PSTPIP2: variants seen among roughly 807,000 people sequenced by gnomAD.
The protein encoded by PSTPIP2 is proline-serine-threonine phosphatase interacting protein 2, also known as proline-serine-threonine phosphatase-interacting protein 2.
In PSTPIP2, 33 loss-of-function variants were observed where a neutral mutation model predicts 63.3. The ratio of observed to expected loss-of-function variants is 0.52; its 90% CI spans 0.40 to 0.70. The LOEUF is 0.70. Ranked by LOEUF, PSTPIP2 falls within the 30% of genes least tolerant of loss-of-function variation. PSTPIP2 has a pLI of 0.00. For missense variants in PSTPIP2, 312 were observed against 400.7 expected, an observed-to-expected ratio of 0.78 and a Z score of 1.89; for synonymous variants, 125 against 132.7, an observed-to-expected ratio of 0.94 and a Z score of 0.40.
intron 2 of PSTPIP2, among the ~76,000 whole-genome samples, chr18:46,030,237 C>T (rs1310966580): frequency 6.6e-6 from 1 of 152,124 alleles, no homozygotes; most frequent in Non-Finnish European, 1.5e-5. Flanking sequence ...ACAAGAGAAG[C>T]CTGTCTTGAT....
chr18:46,030,630 C>T (rs2144102319), intron 2 of PSTPIP2, among the ~76,000 whole-genome samples: 1 of 152,174 alleles, frequency 6.6e-6, no homozygotes, highest in East Asian at 1.9e-4. Flanking sequence ...ATTATTCATC[C>T]TGAAGATTTT....
chr18:46,016,938 G>A (rs1340600399), intron 3 of PSTPIP2, among the ~76,000 whole-genome samples: 1 of 152,088 alleles, frequency 6.6e-6, no homozygotes, highest in Non-Finnish European at 1.5e-5. Context: ...CACCCAAGTT[G>A]ACATTAATAC....
chr18:46,029,742 C>A, intron 2 of PSTPIP2: 2 of 607,784 alleles, frequency 3.3e-6, no homozygotes, highest in South Asian at 3.8e-5. Flanking sequence ...ACTTCCCAGT[C>A]ATTAAAAAGA....
At chr18:46,012,774 A>C (rs2144084288) in intron 4 of PSTPIP2, among the ~76,000 whole-genome samples, 2 of 152,330 alleles carry the variant, frequency 1.3e-5, no homozygotes, top group Middle Eastern at 3.4e-3. Flanking sequence ...TCCATCTCAA[A>C]AAAAGAGAGA....
In PSTPIP2 at chr18:46,041,519, C is replaced by T. The variant is rs559563731; in HGVS notation, c.34-1472G>A. 9.9e-5 allele frequency among the ~76,000 whole-genome samples: 15 copies of T among 152,228 alleles called. 1 individual carries two copies. Among genetic ancestry groups the T allele is most frequent in the African/African-American group, 3.4e-4 (14 of 41,560 alleles). On this transcript the variant is annotated intron_variant, in intron 1 of 14. Coordinates refer to ENST00000409746, the MANE Select transcript of PSTPIP2 (RefSeq NM_024430.4). Reference sequence around the variant, plus strand: ...CACCTTGGCCTCCCAAAGTGCCAGGCGTGAGCCACCATGCCTGGCCAAATT... The same window carrying T: ...CACCTTGGCCTCCCAAAGTGCCAGGTGTGAGCCACCATGCCTGGCCAAATT...
chr18:46,009,950 G>A (rs1292390341), intron 5 of PSTPIP2, among the ~76,000 whole-genome samples: 1 of 152,188 alleles, frequency 6.6e-6, no homozygotes, highest in African/African-American at 2.4e-5. Flanking sequence ...GATACATCAA[G>A]CTTGAGAGAG....
At position 46,051,184 on chromosome 18, in the gene PSTPIP2, T is replaced by C. The variant is rs112579862; in HGVS notation, c.34-11137A>G. ...CCTGTTTGGATTCTCATAACAAAAA[T>C]TGAACATAAGGCCGGGTGCAGTGGC... On this transcript the variant is annotated intron_variant, in intron 1 of 14. Transcript: ENST00000409746. Among the ~76,000 whole-genome samples, 880 of 152,152 alleles carry C rather than the reference T, an allele frequency of 5.8e-3. 16 individuals are homozygous for C. Among genetic ancestry groups the C allele is most frequent in the Admixed American group, 0.032 (491 of 15,286 alleles).
chr18:46,051,533 T>G (rs983765576), intron 1 of PSTPIP2, among the ~76,000 whole-genome samples: 1 of 152,212 alleles, frequency 6.6e-6, no homozygotes, highest in Non-Finnish European at 1.5e-5. Context: ...CTATTATGTA[T>G]GTTAAGGTCA....
Position 45,997,749 on chromosome 18 carries a change from C to T in PSTPIP2, c.642G>A (p.Glu214=), listed in dbSNP as rs1396408761. ...CTGAGCAGCTTCCGGTTACGGGTAC[C>T]TCGCAGGCCTTGATGTGCTCACTCT... ...EWQSEHIKAC[E]AFEAQECERI... is the part of the protein sequence containing the mutation. Residue 214 remains glutamate, a splice_region_variant and synonymous_variant, in exon 9 of 15, where the codon GAG becomes GAA. Coordinates refer to ENST00000409746, the MANE Select transcript of PSTPIP2 (RefSeq NM_024430.4). The T allele has an allele frequency of 7.2e-7, 1 of 1,390,300 alleles. No individual in the cohort carries two copies. Among genetic ancestry groups the T allele is most frequent in the Non-Finnish European group, 9.7e-7 (1 of 1,033,026 alleles). 86.1% of individuals were successfully genotyped at this position (1,390,300 alleles called of 1,614,324 possible).
rs558608029 is a variant in PSTPIP2, at chr18:46,043,396, G to GA, written c.34-3350dup. On this transcript the variant is annotated intron_variant, in intron 1 of 14. Transcript: ENST00000409746. ...ACAGAGTGAGCCCCTGTCTCAAAAT[G>GA]AAAAAAAAAAAGAAAAGAAAAGAGG... Among the ~76,000 whole-genome samples, 343 of 127,982 alleles carry GA rather than the reference G, an allele frequency of 2.7e-3. 3 individuals carry two copies. Among genetic ancestry groups the GA allele is most frequent in the Middle Eastern group, 0.016 (4 of 258 alleles). 84.0% of individuals were successfully genotyped at this position (127,982 alleles called of 152,430 possible).
At chr18:45,993,460 A>G in intron 10 of PSTPIP2, 145 bp downstream of exon 10, 3 of 669,812 alleles carry the variant, frequency 4.5e-6, no homozygotes, top group Non-Finnish European at 7.8e-6. Context: ...TGTTATCTGC[A>G]TCCTTCTGTC....
intron 1 of PSTPIP2, among the ~76,000 whole-genome samples, chr18:46,054,531 T>C (rs1281134485): frequency 6.6e-6 from 1 of 152,174 alleles, no homozygotes; most frequent in Non-Finnish European, 1.5e-5. Flanking sequence ...TACTGGTGCA[T>C]AATTGTAACA....
chr18:46,070,714 C>T (rs985773699), intron 1 of PSTPIP2, among the ~76,000 whole-genome samples: 3 of 151,980 alleles, frequency 2.0e-5, no homozygotes, highest in Non-Finnish European at 2.9e-5. Context: ...CAGACAGAGT[C>T]TCACTATGTT....
rs529605497 is a variant in PSTPIP2, at chr18:46,013,856, T to C, written c.247+2047A>G. 1.4e-4 allele frequency among the ~76,000 whole-genome samples: 22 copies of C among 152,268 alleles called. No individual in the cohort carries two copies. The East Asian group carries it at 2.9e-3, about 20-fold the overall frequency. ...GAGATGAACTCTGACAACTGTGACA[T>C]TGGTATTTCCAAAGACTTTCTATTT... On this transcript the variant is annotated intron_variant, in intron 4 of 14. Coordinates refer to ENST00000409746, the MANE Select transcript of PSTPIP2 (RefSeq NM_024430.4).
chr18:46,021,700 C>A (rs962375626), intron 3 of PSTPIP2, among the ~76,000 whole-genome samples: 1 of 151,594 alleles, frequency 6.6e-6, no homozygotes, highest in Non-Finnish European at 1.5e-5. Flanking sequence ...AATCCCAGCA[C>A]TTTGGGAGGC....
At chr18:46,057,328 T>C (rs1908795249) in intron 1 of PSTPIP2, among the ~76,000 whole-genome samples, 1 of 151,342 alleles carries the variant, frequency 6.6e-6, no homozygotes, top group African/African-American at 2.4e-5. Context: ...TTTTCTTTTC[T>C]TTTTCTTTTT....
intron 9 of PSTPIP2, 38 bp from the exon 10 acceptor site, chr18:45,993,741 G>A (rs781511418): frequency 1.3e-6 from 2 of 1,557,642 alleles, no homozygotes; most frequent in Non-Finnish European, 1.8e-6. Flanking sequence ...GATATGCAAG[G>A]AAAAGGACCA....
intron 6 of PSTPIP2, among the ~76,000 whole-genome samples, chr18:46,003,816 G>A (rs954878520): frequency 6.7e-6 from 1 of 148,234 alleles, no homozygotes; most frequent in African/African-American, 2.5e-5. Context: ...GTATGCAATA[G>A]TGCGATCTCG....
intron 5 of PSTPIP2, among the ~76,000 whole-genome samples, chr18:46,009,539 G>A (rs1194224537): frequency 2.0e-5 from 3 of 152,184 alleles, no homozygotes; most frequent in Non-Finnish European, 2.9e-5. Flanking sequence ...AACTTAGAGG[G>A]TGGCAGGGGA....
Sources: allele counts gnomAD v4.1 joint callset (sites outside exome capture counted in the v4.1 genomes callset), GRCh38; gene constraint gnomAD v4.1.1; transcripts MANE v1.5; gene names NCBI Gene and HGNC (gene_info 2026-07-23, HGNC 2026-07-21).